TRPS1: variants seen among roughly 807,000 people sequenced by gnomAD.
The protein encoded by TRPS1 is zinc finger transcription factor Trps1.
TRPS1 carries 6 observed loss-of-function variants against 101.2 expected under a neutral mutation model. The observed-to-expected ratio is 0.06, with a 90% CI of 0.03 to 0.12. The LOEUF is 0.12. Ranked by LOEUF, TRPS1 falls within the 10% of genes least tolerant of loss-of-function variation. The pLI is 1.00. For missense variants in TRPS1, 1,363 were observed against 1,567.0 expected, an observed-to-expected ratio of 0.87 and a Z score of 2.20; for synonymous variants, 578 against 589.8, an observed-to-expected ratio of 0.98 and a Z score of 0.29.
chr8:115,592,526 G>A (rs1329558071), intron 4 of TRPS1, among the ~76,000 whole-genome samples: 1 of 152,136 alleles, frequency 6.6e-6, no homozygotes. Flanking sequence ...AACACCACTA[G>A]GTGAAGCAGA....
chr8:115,511,102 G>T (rs1003948701), intron 5 of TRPS1: 1 of 151,758 alleles, frequency 6.6e-6, no homozygotes, highest in African/African-American at 2.4e-5. Flanking sequence ...ATTAACTTCT[G>T]CCAGATATGA....
intron 5 of TRPS1, among the ~76,000 whole-genome samples, chr8:115,557,707 A>G (rs1816855482): frequency 6.6e-6 from 1 of 152,118 alleles, no homozygotes. Flanking sequence ...TCCTTTGCAA[A>G]TTACCCAGTC....
chr8:115,535,351 TA>T (rs970327201), intron 5 of TRPS1, among the ~76,000 whole-genome samples: 27 of 147,934 alleles, frequency 1.8e-4, no homozygotes, highest in Non-Finnish European at 2.8e-4. Flanking sequence ...ATATATAGCA[TA>T]TACATAGCAC....
chr8:115,532,589 G>T (rs903905141), intron 5 of TRPS1, among the ~76,000 whole-genome samples: 1 of 152,182 alleles, frequency 6.6e-6, no homozygotes. Context: ...GGCCCAATGA[G>T]AGAAGACTTC....
chr8:115,507,241 CT>C (rs1815468261), intron 5 of TRPS1, among the ~76,000 whole-genome samples: 1 of 151,954 alleles, frequency 6.6e-6, no homozygotes, highest in Admixed American at 6.6e-5. Context: ...ACAATTAGGG[CT>C]CGTACGAGAA....
chr8:115,501,005 A>AT (rs11407030), intron 5 of TRPS1, among the ~76,000 whole-genome samples: 152,230 of 152,250 alleles, frequency 1, 76,105 homozygotes, highest in Middle Eastern at 1. Flanking sequence ...TAGGTAATTT[A>AT]TTCATCTTGG....
intron 5 of TRPS1, among the ~76,000 whole-genome samples, chr8:115,423,090 A>C (rs1563720860): frequency 6.6e-6 from 1 of 152,154 alleles, no homozygotes; most frequent in Admixed American, 6.5e-5. Flanking sequence ...TTCCACATCT[A>C]CGTGGTTTGA....
Position 115,409,813 on chromosome 8 carries a change from G to C in TRPS1, c.*4210C>G, listed in dbSNP as rs1393914988. On this transcript the variant is annotated 3_prime_UTR_variant, in exon 7 of 7. Transcript: ENST00000395715. ...TACCTACCTTTGATTAGAATATTTAGTTTGATACTCAGGTTGCATTTCAAT... is the reference window on the plus strand; with the variant it reads ...TACCTACCTTTGATTAGAATATTTACTTTGATACTCAGGTTGCATTTCAAT... 6.6e-6 allele frequency: 1 copy of C among 152,294 alleles called. No individual in the cohort carries two copies. The highest frequency in any genetic ancestry group is 1.5e-5 in the Non-Finnish European group (1 of 67,976). 9.4% of individuals were successfully genotyped at this position (152,294 alleles called of 1,614,324 possible).
At chr8:115,541,686 C>T (rs142332509) in intron 5 of TRPS1, among the ~76,000 whole-genome samples, 1,526 of 152,166 alleles carry the variant, frequency 0.01, 28 homozygotes, top group South Asian at 0.046. Context: ...ATTTGTAAAA[C>T]GAAAGGCCAA....
At chr8:115,569,721 T>G (rs1226606918) in intron 5 of TRPS1, among the ~76,000 whole-genome samples, 7 of 152,130 alleles carry the variant, frequency 4.6e-5, no homozygotes, top group African/African-American at 1.7e-4. Context: ...CTGGTTATCT[T>G]GAGCCCAGTA....
rs1356615191 is a variant in TRPS1 at position 115,513,185 on chromosome 8, A to T, written c.2700+73816T>A. Among the ~76,000 whole-genome samples, 6 of 151,804 alleles carry T rather than the reference A, an allele frequency of 4.0e-5. No individual in the cohort carries two copies. In the South Asian group the frequency reaches 1.0e-3, roughly 26 times the overall value. On this transcript the variant is annotated intron_variant, in intron 5 of 6. Transcript: ENST00000395715. Reference sequence around the variant, plus strand: ...ATTAAATTGAACTTTTGTAAATATAATGTAACTAACATGAATTCAGTTGCC... The same window carrying T: ...ATTAAATTGAACTTTTGTAAATATATTGTAACTAACATGAATTCAGTTGCC...
chr8:115,509,545 A>T (rs1815528868), intron 5 of TRPS1: 1 of 152,058 alleles, frequency 6.6e-6, no homozygotes, highest in Non-Finnish European at 1.5e-5. Flanking sequence ...TTTTCTAATC[A>T]TCTGCAATGC....
At position 115,414,862 on chromosome 8, in the gene TRPS1, T is replaced by C. The variant is rs1812876839; in HGVS notation, c.3046A>G (p.Lys1016Glu). ...GTCAATGAACCCTGGGCTTCGTATT[T>C]ACTTAGGCTGGGGAGTGGAATTTCT... ...QREIPLPSLS[K>E]YEAQGSLTKS... Residue 1016 changes from lysine (K) to glutamate (E), a missense_variant, in exon 7 of 7, where the codon AAA (lysine) becomes GAA (glutamate). By Grantham distance (56) the Lys-to-Glu change is moderately conservative (BLOSUM62 1). Around this residue, in one of 5 missense-constraint regions of TRPS1, gnomAD observed 307 missense variants for 392.4 expected, o/e 0.78. Transcript: ENST00000395715. This position sits in a 1 kb window ranked among gnomAD's most constrained non-coding sequence, Gnocchi z 4.8. 1 of 1,613,902 alleles carries C rather than the reference T, an allele frequency of 6.2e-7. No individual in the cohort carries two copies. Among genetic ancestry groups the C allele is most frequent in the Non-Finnish European group, 8.5e-7 (1 of 1,179,894 alleles).
chr8:115,415,211 T>A, intron 6 of TRPS1, 127 bp from the exon 7 acceptor site: 1 of 1,010,484 alleles, frequency 9.9e-7, no homozygotes, highest in Non-Finnish European at 1.4e-6. Flanking sequence ...GCTGTAGATT[T>A]ACTAAATCTC....
chr8:115,475,119 G>T lies in TRPS1; in HGVS notation c.2701-56667C>A, dbSNP rs770066886. Among the ~76,000 whole-genome samples the T allele has an allele frequency of 2.6e-5, 4 of 151,678 alleles. No homozygotes were observed. In the East Asian group the frequency reaches 5.8e-4, roughly 22 times the overall value. ...AAAATGCATTAGTGTTATTTTAAAA[G>T]AATGCCATAGCAAAAGTCATTATTT... On this transcript the variant is annotated intron_variant, in intron 5 of 6. Transcript: ENST00000395715.
At chr8:115,461,981 C>G (rs1232723618) in intron 5 of TRPS1, among the ~76,000 whole-genome samples, 1 of 152,138 alleles carries the variant, frequency 6.6e-6, no homozygotes, top group Non-Finnish European at 1.5e-5. Flanking sequence ...TGAGTGGAAG[C>G]TTCCTGTTTA....
intron 5 of TRPS1, among the ~76,000 whole-genome samples, chr8:115,555,375 TC>T (rs5894275): frequency 0.64 from 97,461 of 151,930 alleles, 31,712 homozygotes; most frequent in East Asian, 0.83. Flanking sequence ...GTTTCTCACT[TC>T]CAACATCAAG....
At chr8:115,471,353 C>T (rs1814464287) in intron 5 of TRPS1, among the ~76,000 whole-genome samples, 1 of 152,132 alleles carries the variant, frequency 6.6e-6, no homozygotes, top group African/African-American at 2.4e-5. Flanking sequence ...GAGGGAAAAG[C>T]CGCTTATAAA....
intron 5 of TRPS1, among the ~76,000 whole-genome samples, chr8:115,530,903 G>C (rs1390049077): frequency 6.6e-6 from 1 of 152,002 alleles, no homozygotes; most frequent in African/African-American, 2.4e-5. Flanking sequence ...ACACAGGAAG[G>C]GGAACATCAC....
Sources: gnomAD v4.1 joint callset for allele counts (sites outside exome capture counted in the v4.1 genomes callset) on GRCh38, gnomAD v4.1.1 for gene constraint, gnomAD v4.1.1 regional missense constraint, Gnocchi (gnomAD v3.1) non-coding constraint, MANE v1.5 for transcripts, NCBI Gene and HGNC (gene_info 2026-07-23, HGNC 2026-07-21) for gene names.